Variants in FZR1 observed in about 807,000 individuals in gnomAD.
The protein encoded by FZR1 is fizzy and cell division cycle 20 related 1, also known as fizzy-related protein homolog.
Under a neutral mutation model 63.6 loss-of-function variants are expected in FZR1, and 11 were observed. That is an observed-to-expected ratio of 0.17 (90% CI 0.11 to 0.29). The LOEUF is 0.29. FZR1 is among the 10% of genes least tolerant of loss of function. The pLI, the probability that FZR1 is intolerant of heterozygous loss-of-function variation, is 1.00. For synonymous variants in FZR1, 328 were observed against 297.9 expected (o/e 1.10, Z -1.04); for missense variants, 440 against 687.5 (o/e 0.64, Z 4.03).
At chr19:3,528,251 C>T (rs939659353) in intron 7 of FZR1, among the ~76,000 whole-genome samples, 1 of 152,228 alleles carries the variant, frequency 6.6e-6, no homozygotes, top group Admixed American at 6.5e-5. Context: ...GCCTGCTAGT[C>T]CCTACAGGGA....
intron 1 of FZR1, among the ~76,000 whole-genome samples, chr19:3,519,302 C>T (rs1337268585): frequency 2.0e-5 from 3 of 152,228 alleles, no homozygotes; most frequent in South Asian, 2.1e-4. Flanking sequence ...CCTGGCAGTC[C>T]GGATCGTCTC....
In FZR1 at chr19:3,535,610, A is replaced by ACCTGCTCACTGC. The variant is rs2029917548; in HGVS notation, c.*779_*790dup. On this transcript the variant is annotated 3_prime_UTR_variant, in exon 14 of 14. Transcript: ENST00000441788. The stretch of plus-strand genomic sequence containing the variant: ...ATCACCCCAGGAGAACTGAACCCGG[A>ACCTGCTCACTGC]CCTGCTCACTGCCCTGGCTGGAGAG... The ACCTGCTCACTGC allele has an allele frequency of 1.3e-5, 2 of 152,460 alleles. No homozygotes were observed. The highest frequency in any genetic ancestry group is 4.8e-5 in the African/African-American group (2 of 41,472). 9.4% of individuals were successfully genotyped at this position (152,460 alleles called of 1,614,324 possible). A position where few individuals can be genotyped will look rare whatever the true frequency, so the allele number is the denominator to read the frequency against.
In FZR1 at chr19:3,525,474, G is replaced by A. The variant is rs1353519166; in HGVS notation, c.70-394G>A. 9.5e-5 allele frequency among the ~76,000 whole-genome samples: 11 copies of A among 116,012 alleles called. No homozygotes were observed. Among genetic ancestry groups the A allele is most frequent in the East Asian group, 2.9e-4 (1 of 3,464 alleles). 76.1% of individuals were successfully genotyped at this position (116,012 alleles called of 152,430 possible). A position where few individuals can be genotyped will look rare whatever the true frequency, so the allele number is the denominator to read the frequency against. On this transcript the variant is annotated intron_variant, in intron 2 of 13. Transcript: ENST00000441788. The surrounding 1 kb of genome is among the most constrained non-coding windows in gnomAD (Gnocchi z 4.2). ...TTTTTTTTTTTTGAGACGGAGTCTC[G>A]CTCTGTCGCCCAGGCTGGAGTGCAG...
At chr19:3,524,432 T>C (rs750760416) in intron 2 of FZR1, among the ~76,000 whole-genome samples, 3 of 152,196 alleles carry the variant, frequency 2.0e-5, no homozygotes, top group Non-Finnish European at 2.9e-5. Context: ...GCCTGGACTT[T>C]ATGACACAGA....
chr19:3,518,218 T>A (rs2083073185), intron 1 of FZR1, among the ~76,000 whole-genome samples: 1 of 152,062 alleles, frequency 6.6e-6, no homozygotes, highest in Non-Finnish European at 1.5e-5. Flanking sequence ...TTCACCATGT[T>A]GGCCAGGCTG....
rs2083265564 is a variant in FZR1 at position 3,533,223 on chromosome 19, A to C, written c.1243-71A>C. On this transcript the variant is annotated intron_variant, in intron 11 of 13. Coordinates refer to ENST00000441788, the MANE Select transcript of FZR1 (RefSeq NM_016263.4). The surrounding 1 kb of genome is among the most constrained non-coding windows in gnomAD (Gnocchi z 4.9). ...CTCTCACATGGGCTCAGGCGGGTGCATGTGAGGCAGCAGGCATAGCACCCG... is the reference window on the plus strand; with the variant it reads ...CTCTCACATGGGCTCAGGCGGGTGCCTGTGAGGCAGCAGGCATAGCACCCG... 2.2e-6 allele frequency: 2 copies of C among 923,776 alleles called. No homozygotes were observed. Among genetic ancestry groups the C allele is most frequent in the Non-Finnish European group, 3.6e-6 (2 of 562,110 alleles). The allele number at this position is 923,776 out of a possible 1,614,324, so 57.2% of individuals were successfully genotyped here.
In FZR1 at chr19:3,516,440, T is replaced by G. The variant is rs1227384164; in HGVS notation, c.-34-6516T>G. Among the ~76,000 whole-genome samples the G allele has an allele frequency of 6.6e-6, 1 of 152,198 alleles. No individual in the cohort carries two copies. ...TGTCTGCCCTGCGGACTCCCAATTT[T>G]CCCGGTGTTGAATTCCACAGCCATG... On this transcript the variant is annotated intron_variant, in intron 1 of 13. Coordinates refer to ENST00000441788, the MANE Select transcript of FZR1 (RefSeq NM_016263.4). The surrounding 1 kb of genome is among the most constrained non-coding windows in gnomAD (Gnocchi z 6.0).
Position 3,534,874 on chromosome 19 carries a change from A to C in FZR1, c.*38A>C. The C allele has an allele frequency of 6.4e-7, 1 of 1,551,766 alleles. No homozygotes were observed. The highest frequency in any genetic ancestry group is 8.9e-7 in the Non-Finnish European group (1 of 1,125,864). ...GGACCGTGCCACACCAGCTGTCCAG[A>C]GTCGGAGGACCCCAGCTCCTCAGCT... On this transcript the variant is annotated 3_prime_UTR_variant, in exon 14 of 14. Transcript: ENST00000441788.
At position 3,534,501 on chromosome 19, in the gene FZR1, C is replaced by T. The variant is rs2083277852; in HGVS notation, c.1428C>T (p.Thr476=). 6 of 1,606,068 alleles carry T rather than the reference C, an allele frequency of 3.7e-6. No homozygotes were observed. Among genetic ancestry groups the T allele is most frequent in the Non-Finnish European group, 5.1e-6 (6 of 1,175,344 alleles). The change falls in exon 13 of 14, where the codon ACC becomes ACT. Residue 476 remains threonine (T), a synonymous_variant. Transcript: ENST00000441788. ...TLRFWNVFSK[T]RSTKESVSVL... ...GGTTCTGGAACGTCTTTAGCAAAAC[C>T]CGTTCGACAAAGGTAAAGTGGGTCG...
In FZR1 at chr19:3,534,424, A is replaced by G. The variant is rs1357486523; in HGVS notation, c.1351A>G (p.Met451Val). 8 of 1,583,400 alleles carry G rather than the reference A, an allele frequency of 5.1e-6. No individual in the cohort carries two copies. Among genetic ancestry groups the G allele is most frequent in the Non-Finnish European group, 6.9e-6 (8 of 1,156,192 alleles). Reference protein sequence around the residue: ...GHSYRVLYLAMSPDGEAIVTG... With the variant: ...GHSYRVLYLAVSPDGEAIVTG... ...GGTGCTTCCCTCCTGTCCACAGGCA[A>G]TGTCCCCTGATGGGGAGGCCATCGT... Residue 451 changes from methionine to valine, a missense_variant, in exon 13 of 14, where the codon ATG (methionine) becomes GTG (valine). By Grantham distance (21) the Met-to-Val change is conservative (BLOSUM62 1). This residue lies in a region of FZR1 where 208 missense variants were observed against 363.6 expected (regional missense o/e 0.57). Transcript: ENST00000441788.
chr19:3,525,381 CCTGACCATGA>C lies in FZR1; in HGVS notation c.70-486_70-477del, dbSNP rs569507677. Among the ~76,000 whole-genome samples the C allele has an allele frequency of 2.8e-4, 42 of 151,882 alleles. No homozygotes were observed. The East Asian group carries it at 6.8e-3, about 24-fold the overall frequency. On this transcript the variant is annotated intron_variant, in intron 2 of 13. Coordinates refer to ENST00000441788, the MANE Select transcript of FZR1 (RefSeq NM_016263.4). The surrounding 1 kb of genome is among the most constrained non-coding windows in gnomAD (Gnocchi z 4.2). ...CCCGGAGGCTTCTGGCACAGAAATC[CCTGACCATGA>C]GTGACCACGAGTGACTGTGTGGCTC...
intron 11 of FZR1, among the ~76,000 whole-genome samples, chr19:3,532,889 C>T (rs866755578): frequency 6.6e-5 from 10 of 152,320 alleles, no homozygotes; most frequent in Middle Eastern, 3.4e-3. Flanking sequence ...CCACACCTGG[C>T]GGCTCTGTGA....
At chr19:3,506,728 C>T (rs1321054559) in intron 1 of FZR1, among the ~76,000 whole-genome samples, 4 of 152,052 alleles carry the variant, frequency 2.6e-5, no homozygotes, top group Non-Finnish European at 5.9e-5. Flanking sequence ...GACCCCCACC[C>T]CGAGCCACCT....
rs761370898 is a variant in FZR1, at chr19:3,532,370, G to C, written c.1009-47G>C. 2.7e-6 allele frequency: 4 copies of C among 1,463,368 alleles called. No individual in the cohort carries two copies. The South Asian group carries it at 4.8e-5, about 18-fold the overall frequency. 90.6% of individuals were successfully genotyped at this position (1,463,368 alleles called of 1,614,324 possible). A position where few individuals can be genotyped will look rare whatever the true frequency, so the allele number is the denominator to read the frequency against. ...CACACCTGTGAGGACCGGCCTATGG[G>C]ACCACAGGGCTGGGACAGCCCCGGC... On this transcript the variant is annotated intron_variant, in intron 10 of 13. Coordinates refer to ENST00000441788, the MANE Select transcript of FZR1 (RefSeq NM_016263.4).
chr19:3,522,838 G>A, intron 1 of FZR1, 118 bp from the exon 2 acceptor site: 7 of 666,968 alleles, frequency 1.0e-5, no homozygotes, highest in Non-Finnish European at 1.6e-5. Context: ...TCCCCACAGA[G>A]GAGCCAGGAG....
chr19:3,521,533 G>A lies in FZR1; in HGVS notation c.-34-1423G>A, dbSNP rs577485550. On this transcript the variant is annotated intron_variant, in intron 1 of 13. Coordinates refer to ENST00000441788, the MANE Select transcript of FZR1 (RefSeq NM_016263.4). The stretch of plus-strand genomic sequence containing the variant: ...TTTTTTTTTTTTGAGACAGAGTCCC[G>A]CTCTGTCACCCAGGCAGGAGTGCAG... Among the ~76,000 whole-genome samples, 59 of 150,922 alleles carry A rather than the reference G, an allele frequency of 3.9e-4. No homozygotes were observed. In the South Asian group the frequency reaches 0.012, roughly 30 times the overall value.
At chr19:3,529,611 T>G (rs2083209949) in intron 7 of FZR1, among the ~76,000 whole-genome samples, 1 of 132,310 alleles carries the variant, frequency 7.6e-6, no homozygotes, top group South Asian at 2.6e-4. Context: ...AGGGAGTGGA[T>G]GGTTGAGCAG....
chr19:3,526,862 CAG>C lies in FZR1; in HGVS notation c.388-117_388-116del, dbSNP rs2083164057. ...CCTGCCTTTTTACAGCTGCTCCACACAGGGTCTCAGCACCTGCCTTAGGGCTA... is the reference window on the plus strand; with the variant it reads ...CCTGCCTTTTTACAGCTGCTCCACACGGTCTCAGCACCTGCCTTAGGGCTA... On this transcript the variant is annotated intron_variant, in intron 5 of 13. Transcript: ENST00000441788. This position sits in a 1 kb window ranked among gnomAD's most constrained non-coding sequence, Gnocchi z 5.4. 1 of 726,562 alleles carries C rather than the reference CAG, an allele frequency of 1.4e-6. No individual in the cohort carries two copies. The highest frequency in any genetic ancestry group is 1.6e-5 in the South Asian group (1 of 62,492). The allele number at this position is 726,562 out of a possible 1,614,324, so 45.0% of individuals were successfully genotyped here.
chr19:3,531,610 C>G, intron 8 of FZR1, 104 bp from the exon 9 acceptor site: 3 of 753,440 alleles, frequency 4.0e-6, no homozygotes, highest in Non-Finnish European at 6.5e-6. Flanking sequence ...GGAAACCGTC[C>G]CAGAGCCCTG....
Sources: allele counts gnomAD v4.1 joint callset (sites outside exome capture counted in the v4.1 genomes callset), GRCh38; gene constraint gnomAD v4.1.1; regional missense constraint gnomAD v4.1.1; non-coding constraint Gnocchi (gnomAD v3.1); transcripts MANE v1.5; gene names NCBI Gene and HGNC (gene_info 2026-07-23, HGNC 2026-07-21).